LIFR: variants seen among roughly 807,000 people sequenced by gnomAD.
LIFR encodes the protein LIF receptor subunit alpha, also known as leukemia inhibitory factor receptor.
Under a neutral mutation model 122.2 loss-of-function variants are expected in LIFR, and 84 were observed. The observed-to-expected ratio is 0.69, with a 90% CI of 0.58 to 0.82. The LOEUF is 0.82. Among genes scored for constraint, LIFR ranks in the 40% least tolerant of loss-of-function variants. The pLI is 0.00. For synonymous variants in LIFR, 422 were observed against 434.7 expected (o/e 0.97, Z 0.36); for missense variants, 1,294 against 1,311.6 (o/e 0.99, Z 0.21).
At chr5:38,487,870 T>A (rs563498420) in intron 16 of LIFR, among the ~76,000 whole-genome samples, 15 of 152,260 alleles carry the variant, frequency 9.9e-5, no homozygotes, top group Admixed American at 8.5e-4. Context: ...GTCTGGCAGG[T>A]ACTGGAGAAG....
intron 1 of LIFR, among the ~76,000 whole-genome samples, chr5:38,583,550 G>C (rs930935828): frequency 2.0e-5 from 3 of 152,072 alleles, no homozygotes; most frequent in African/African-American, 7.2e-5. Context: ...TGCAAAACAC[G>C]TATCTGATAA....
chr5:38,528,291 G>T (rs898145105), intron 3 of LIFR, among the ~76,000 whole-genome samples: 1 of 152,054 alleles, frequency 6.6e-6, no homozygotes, highest in African/African-American at 2.4e-5. Context: ...TTTGTTTATT[G>T]TGACCTCCCA....
intron 1 of LIFR, among the ~76,000 whole-genome samples, chr5:38,569,442 C>T (rs1749136926): frequency 6.6e-6 from 1 of 151,984 alleles, no homozygotes; most frequent in Non-Finnish European, 1.5e-5. Context: ...ACCACCTGAG[C>T]TCCACCTCCT....
At chr5:38,540,539 A>G (rs995883790) in intron 1 of LIFR, among the ~76,000 whole-genome samples, 6 of 152,160 alleles carry the variant, frequency 3.9e-5, no homozygotes, top group African/African-American at 1.4e-4. Context: ...AAACTCAAAC[A>G]TACTCCAAGA....
At position 38,530,669 on chromosome 5, in the gene LIFR, AG is replaced by A. The variant is rs1297471685; in HGVS notation, c.-19-4del. ...TCATCTGTGCAATGCAGTCAGTCCT[AG>A]GTTAGGAGAGGAATTCCAGATGGTG... is the stretch of plus-strand genomic sequence containing the variant. On this transcript the variant is annotated splice_region_variant and splice_polypyrimidine_tract_variant and intron_variant, in intron 1 of 19. Transcript: ENST00000453190. 3 of 1,612,786 alleles carry A rather than the reference AG, an allele frequency of 1.9e-6. No individual in the cohort carries two copies. The highest frequency in any genetic ancestry group is 2.5e-6 in the Non-Finnish European group (3 of 1,178,830).
chr5:38,537,936 C>T (rs1159536627), intron 1 of LIFR, among the ~76,000 whole-genome samples: 9 of 152,174 alleles, frequency 5.9e-5, no homozygotes, highest in African/African-American at 2.2e-4. Flanking sequence ...TTAACTCTTA[C>T]TAGATCAGAT....
chr5:38,587,064 T>C (rs1322652669), intron 1 of LIFR, among the ~76,000 whole-genome samples: 1 of 152,138 alleles, frequency 6.6e-6, no homozygotes, highest in Non-Finnish European at 1.5e-5. Context: ...TCTCTCGATA[T>C]TAAATCCTTC....
In LIFR at chr5:38,477,325, G is replaced by C. The variant is rs1743771406; in HGVS notation, c.*4270C>G. The C allele has an allele frequency of 4.6e-6, 1 of 217,790 alleles. No homozygotes were observed. Among genetic ancestry groups the C allele is most frequent in the African/African-American group, 2.2e-5 (1 of 44,524 alleles). 13.5% of individuals were successfully genotyped at this position (217,790 alleles called of 1,614,324 possible). ...AAAAGATGAATGTTCTGTAACTTTG[G>C]CCATAAATCATTTTCTTCTATGAAA... On this transcript the variant is annotated 3_prime_UTR_variant, in exon 20 of 20. Transcript: ENST00000453190.
At chr5:38,500,217 A>G (rs1341790483) in intron 11 of LIFR, among the ~76,000 whole-genome samples, 1 of 152,004 alleles carries the variant, frequency 6.6e-6, no homozygotes, top group South Asian at 2.1e-4. Flanking sequence ...ATATAAATTT[A>G]TTTCTAGTCC....
intron 5 of LIFR, among the ~76,000 whole-genome samples, chr5:38,521,651 C>A (rs1346234859): frequency 2.0e-5 from 3 of 152,146 alleles, no homozygotes; most frequent in African/African-American, 7.2e-5. Context: ...TGGGTACGTT[C>A]TCAGGCCCCT....
chr5:38,524,969 G>A (rs568569463), intron 4 of LIFR, among the ~76,000 whole-genome samples: 18 of 152,190 alleles, frequency 1.2e-4, no homozygotes, highest in Non-Finnish European at 2.2e-4. Context: ...AACCACTGGC[G>A]AGGCTACTGT....
At position 38,492,237 on chromosome 5, in the gene LIFR, A is replaced by C. The variant is rs111882975; in HGVS notation, c.2065+1369T>G. On this transcript the variant is annotated intron_variant, in intron 14 of 19. Coordinates refer to ENST00000453190, the MANE Select transcript of LIFR (RefSeq NM_001127671.2). Reference sequence around the variant, plus strand: ...AACTTCTCTGAGTTTTTGTTTTCTCAAGCTTTGTGTCTTTGTTCAATTGAG... The same window carrying C: ...AACTTCTCTGAGTTTTTGTTTTCTCCAGCTTTGTGTCTTTGTTCAATTGAG... Among the ~76,000 whole-genome samples the C allele has an allele frequency of 2.9e-3, 435 of 152,228 alleles. 2 individuals are homozygous for C. Among genetic ancestry groups the C allele is most frequent in the African/African-American group, 9.8e-3 (408 of 41,532 alleles).
upstream of LIFR, chr5:38,559,255 G>C (rs1379641346): frequency 1.3e-5 from 2 of 152,246 alleles, no homozygotes; most frequent in Non-Finnish European, 2.9e-5. Context: ...AATTTGAAGA[G>C]TTGCGGTATA....
rs1743720513 is a variant in LIFR, at chr5:38,476,336, T to A, written c.*5259A>T. On this transcript the variant is annotated 3_prime_UTR_variant, in exon 20 of 20. Coordinates refer to ENST00000453190, the MANE Select transcript of LIFR (RefSeq NM_001127671.2). ...CACCTAGAGATATTTTGATCTTTTA[T>A]AATACACAACTGGAATGTTTAGGAA... is the stretch of plus-strand genomic sequence containing the variant. The A allele has an allele frequency of 4.8e-6, 1 of 206,914 alleles. No homozygotes were observed. The highest frequency in any genetic ancestry group is 2.3e-5 in the African/African-American group (1 of 43,834). The allele number at this position is 206,914 out of a possible 1,614,324, so 12.8% of individuals were successfully genotyped here. A position where few individuals can be genotyped will look rare whatever the true frequency, so the allele number is the denominator to read the frequency against.
chr5:38,492,968 TC>T (rs1744675421), intron 14 of LIFR, among the ~76,000 whole-genome samples: 2 of 152,204 alleles, frequency 1.3e-5, no homozygotes, highest in Non-Finnish European at 2.9e-5. Flanking sequence ...GAAAAACTTC[TC>T]AGGCTGCATC....
Position 38,490,243 on chromosome 5 carries a change from C to T in LIFR, c.2114G>A (p.Arg705Lys). 6.3e-7 allele frequency: 1 copy of T among 1,587,820 alleles called. No homozygotes were observed. Residue 705 changes from arginine (R) to lysine (K), a missense_variant, in exon 15 of 20, where the codon AGA becomes AAA. Physicochemically the swap from Arg to Lys is conservative, Grantham distance 26. Transcript: ENST00000453190. Reference protein sequence around the residue: ...IRYNFFLYGCRNQGYQLLRSM... With the variant: ...IRYNFFLYGCKNQGYQLLRSM... ...GCGTAATAATTGATATCCTTGATTT[C>T]TGCATCCATACAGGAAAAAATTATA...
At chr5:38,555,404 T>C (rs1200193648) in intron 1 of LIFR, among the ~76,000 whole-genome samples, 1 of 152,228 alleles carries the variant, frequency 6.6e-6, no homozygotes, top group African/African-American at 2.4e-5. Flanking sequence ...GTACCATTTC[T>C]GGACCCCTGC....
At chr5:38,579,650 T>C (rs569977471) in intron 1 of LIFR, 1 of 152,204 alleles carries the variant, frequency 6.6e-6, no homozygotes, top group South Asian at 2.1e-4. Context: ...CATCTCAACA[T>C]ACCTCAATAA....
intron 1 of LIFR, 94 bp from the exon 2 acceptor site, chr5:38,530,760 T>A: frequency 1.4e-5 from 15 of 1,086,740 alleles, no homozygotes; most frequent in Non-Finnish European, 2.0e-5. Context: ...TTCTGACAGA[T>A]TCTGAAACAC....
Sources: gnomAD v4.1 joint callset for allele counts (sites outside exome capture counted in the v4.1 genomes callset) on GRCh38, gnomAD v4.1.1 for gene constraint, MANE v1.5 for transcripts, NCBI Gene and HGNC (gene_info 2026-07-23, HGNC 2026-07-21) for gene names.